AK9: variants seen among roughly 807,000 people sequenced by gnomAD.
AK9 encodes the protein adenylate kinase domain containing 1.
In AK9, 191 loss-of-function variants were observed where a neutral mutation model predicts 239.6. The ratio of observed to expected loss-of-function variants is 0.80; its 90% CI spans 0.71 to 0.90. The LOEUF (loss-of-function observed/expected upper bound fraction) is 0.90, where lower values mean the gene tolerates loss of function less well. AK9 is among the 40% of genes least tolerant of loss of function. The pLI is 0.00. For synonymous variants in AK9, 689 were observed against 721.0 expected (o/e 0.96, Z 0.71); for missense variants, 1,995 against 2,214.7 (o/e 0.90, Z 1.99).
At chr6:109,496,664 C>A (rs1777066323) in intron 38 of AK9, among the ~76,000 whole-genome samples, 1 of 152,102 alleles carries the variant, frequency 6.6e-6, no homozygotes, top group Non-Finnish European at 1.5e-5. Flanking sequence ...CTTGTAAGCT[C>A]TTCTGACATT....
intron 29 of AK9, 56 bp from the exon 30 acceptor site, chr6:109,516,698 C>T: frequency 7.1e-7 from 1 of 1,401,286 alleles, no homozygotes; most frequent in Non-Finnish European, 9.8e-7. Context: ...ACAAAAGACA[C>T]TATTAACAAA....
At chr6:109,528,924 T>C in intron 29 of AK9, 87 bp downstream of exon 29, 6 of 1,557,022 alleles carry the variant, frequency 3.9e-6, no homozygotes, top group Non-Finnish European at 5.2e-6. Context: ...GAGTTCGAGG[T>C]TGCAGTGAGC....
Position 109,497,530 on chromosome 6 carries a change from AT to A in AK9, c.5249del (p.Tyr1750LeufsTer3). 1 of 1,609,866 alleles carries A rather than the reference AT, an allele frequency of 6.2e-7. No individual in the cohort carries two copies. The highest frequency in any genetic ancestry group is 8.5e-7 in the Non-Finnish European group (1 of 1,176,454). ...YEALVPGSIN[Y>X]ALEYHNRIYI... Reference sequence around the variant, plus strand: ...ATATACGATTATGATATTCTAAAGCATAGTTAATGCTACCAGGTACTAGAGC... The same window carrying A: ...ATATACGATTATGATATTCTAAAGCAAGTTAATGCTACCAGGTACTAGAGC... On this transcript the variant is annotated frameshift_variant, in exon 38 of 41. Coordinates refer to ENST00000424296, the MANE Select transcript of AK9 (RefSeq NM_001145128.3). LOFTEE classifies it high-confidence loss of function.
At chr6:109,564,652 A>G (rs1433159847) in intron 22 of AK9, 104 bp downstream of exon 22, 2 of 800,588 alleles carry the variant, frequency 2.5e-6, no homozygotes, top group African/African-American at 3.5e-5. Context: ...CAACATAGAA[A>G]GAAATAAGTA....
At chr6:109,513,843 C>T (rs1157120882) in intron 32 of AK9, among the ~76,000 whole-genome samples, 1 of 152,064 alleles carries the variant, frequency 6.6e-6, no homozygotes, top group Non-Finnish European at 1.5e-5. Context: ...AATAATAAGG[C>T]TATTGTTAAG....
chr6:109,639,938 T>G (rs1167343316), intron 10 of AK9, among the ~76,000 whole-genome samples: 1 of 152,232 alleles, frequency 6.6e-6, no homozygotes, highest in East Asian at 1.9e-4. Flanking sequence ...TGGTTAGGTT[T>G]GTCAAAGATC....
At chr6:109,553,854 T>C (rs1438842347) in intron 24 of AK9, among the ~76,000 whole-genome samples, 3 of 152,198 alleles carry the variant, frequency 2.0e-5, no homozygotes, top group Non-Finnish European at 2.9e-5. Flanking sequence ...TAAATACTCT[T>C]ATTATTTTGA....
intron 5 of AK9, among the ~76,000 whole-genome samples, chr6:109,666,187 A>G (rs1487925484): frequency 4.6e-5 from 7 of 152,136 alleles, no homozygotes; most frequent in African/African-American, 1.7e-4. Context: ...GGGTGTATCT[A>G]TGGGAGGAGG....
chr6:109,546,073 A>C lies in AK9; in HGVS notation c.3019T>G (p.Cys1007Gly). Reference sequence around the variant, plus strand: ...AATTTTTCTGCCAACTGTCTTCCACACATAGTTTTGCCAGAGCCCTGGGGG... The same window carrying C: ...AATTTTTCTGCCAACTGTCTTCCACCCATAGTTTTGCCAGAGCCCTGGGGG... ...VGPQGSGKTM[C>G]GRQLAEKLNI... The change falls in exon 26 of 41, where the codon TGT becomes GGT. Residue 1007 changes from cysteine to glycine, a missense_variant. By Grantham distance (159) the Cys-to-Gly change is radical. Transcript: ENST00000424296. The C allele has an allele frequency of 6.2e-7, 1 of 1,610,470 alleles. No homozygotes were observed. Among genetic ancestry groups the C allele is most frequent in the Non-Finnish European group, 8.5e-7 (1 of 1,178,600 alleles).
chr6:109,567,059 A>C (rs1356368029), intron 21 of AK9, among the ~76,000 whole-genome samples: 1 of 152,188 alleles, frequency 6.6e-6, no homozygotes, highest in East Asian at 1.9e-4. Context: ...AGCTAGCAGA[A>C]AGCAAGAAAT....
intron 1 of AK9, among the ~76,000 whole-genome samples, chr6:109,686,444 A>G (rs9400317): frequency 0.91 from 138,705 of 152,284 alleles, 63,370 homozygotes; most frequent in East Asian, 1. Context: ...AAGAGAGCAT[A>G]AAGCGCACTA....
rs58542655 is a variant in AK9, at chr6:109,502,957, A to ATGTGTGTGTGTG, written c.4849+3358_4849+3369dup. 5.6e-3 allele frequency among the ~76,000 whole-genome samples: 808 copies of ATGTGTGTGTGTG among 145,492 alleles called. 13 individuals are homozygous for ATGTGTGTGTGTG. Among genetic ancestry groups the ATGTGTGTGTGTG allele is most frequent in the African/African-American group, 0.019 (770 of 39,634 alleles). On this transcript the variant is annotated intron_variant, in intron 35 of 40. Coordinates refer to ENST00000424296, the MANE Select transcript of AK9 (RefSeq NM_001145128.3). Reference sequence around the variant, plus strand: ...CAGATTTCTGACCCACAGGAACGGTATGTGTGTGTGTGTGTGTGTGTGTGT... The same window carrying ATGTGTGTGTGTG: ...CAGATTTCTGACCCACAGGAACGGTATGTGTGTGTGTGTGTGTGTGTGTGTGTGTGTGTGTGT...
chr6:109,664,581 C>T lies in AK9; in HGVS notation c.332-1918G>A, dbSNP rs111637166. Among the ~76,000 whole-genome samples, 1,164 of 152,054 alleles carry T rather than the reference C, an allele frequency of 7.7e-3. 17 individuals carry two copies. Among genetic ancestry groups the T allele is most frequent in the African/African-American group, 0.024 (1,008 of 41,500 alleles). On this transcript the variant is annotated intron_variant, in intron 5 of 40. Transcript: ENST00000424296. ...CTGGGACTACAGGCGCATGCTACCA[C>T]GCCCGGCTAATTTTTGTATTTTCAG...
intron 17 of AK9, among the ~76,000 whole-genome samples, chr6:109,598,959 A>G (rs1196749096): frequency 6.6e-6 from 1 of 152,102 alleles, no homozygotes; most frequent in African/African-American, 2.4e-5. Flanking sequence ...AGTTCTTTGT[A>G]GATTCTGGAT....
At chr6:109,611,639 T>C (rs1793597601) in intron 16 of AK9, among the ~76,000 whole-genome samples, 3 of 152,180 alleles carry the variant, frequency 2.0e-5, no homozygotes, top group Non-Finnish European at 1.5e-5. Flanking sequence ...GTGCCAGTTT[T>C]TGTCTTTCCT....
At chr6:109,687,765 C>T (rs1773723782) in intron 1 of AK9, among the ~76,000 whole-genome samples, 1 of 152,190 alleles carries the variant, frequency 6.6e-6, no homozygotes, top group Non-Finnish European at 1.5e-5. Context: ...TGCCAGGGCT[C>T]CTGGCCATGG....
In AK9 at chr6:109,546,138, G is replaced by A; in HGVS notation, c.2965-11C>T. 6.3e-7 allele frequency: 1 copy of A among 1,575,400 alleles called. No homozygotes were observed. The highest frequency in any genetic ancestry group is 8.6e-7 in the Non-Finnish European group (1 of 1,159,888). ...TCTTAATGGAGGAGCCTGTCACAGG[G>A]GGTGGGTCAGGGAGGGGTGGGATAA... is the stretch of plus-strand genomic sequence containing the variant. On this transcript the variant is annotated splice_polypyrimidine_tract_variant and intron_variant, in intron 25 of 40. Coordinates refer to ENST00000424296, the MANE Select transcript of AK9 (RefSeq NM_001145128.3).
intron 19 of AK9, among the ~76,000 whole-genome samples, chr6:109,583,993 T>C (rs1007197728): frequency 1.3e-5 from 2 of 152,148 alleles, no homozygotes; most frequent in African/African-American, 4.8e-5. Flanking sequence ...AGCTAATTAG[T>C]AGATTTGTAA....
chr6:109,676,021 A>C (rs776089546), intron 1 of AK9, among the ~76,000 whole-genome samples: 5 of 152,152 alleles, frequency 3.3e-5, no homozygotes, highest in Non-Finnish European at 5.9e-5. Flanking sequence ...TTGAGGAAAA[A>C]ATACAGATTT....
Sources: gnomAD v4.1 joint callset for allele counts (sites outside exome capture counted in the v4.1 genomes callset) on GRCh38, gnomAD v4.1.1 for gene constraint, MANE v1.5 for transcripts, NCBI Gene and HGNC (gene_info 2026-07-23, HGNC 2026-07-21) for gene names.